Variants in BMPER observed in about 807,000 individuals in gnomAD.
The protein encoded by BMPER is BMP-binding endothelial regulator protein.
Under a neutral mutation model 87.3 loss-of-function variants are expected in BMPER, and 45 were observed. The observed-to-expected ratio is 0.52, with a 90% CI of 0.41 to 0.66. The LOEUF (loss-of-function observed/expected upper bound fraction) is 0.66, where lower values mean the gene tolerates loss of function less well. Ranked by LOEUF, BMPER falls within the 30% of genes least tolerant of loss-of-function variation. The pLI is 0.00. For missense variants in BMPER, 784 were observed against 867.5 expected (o/e 0.90, Z 1.21); for synonymous variants, 326 against 316.2 (o/e 1.03, Z -0.33).
At chr7:33,972,455 TG>T (rs1334782893) in intron 5 of BMPER, among the ~76,000 whole-genome samples, 1 of 152,174 alleles carries the variant, frequency 6.6e-6, no homozygotes, top group Non-Finnish European at 1.5e-5. Flanking sequence ...ACTCTCTTTT[TG>T]GTTGAGTTTC....
chr7:34,047,960 A>T (rs1321557550), intron 7 of BMPER, among the ~76,000 whole-genome samples: 1 of 151,626 alleles, frequency 6.6e-6, no homozygotes, highest in South Asian at 2.1e-4. Context: ...TTTTACACAG[A>T]AGCATATTGA....
At chr7:34,090,001 G>T (rs1026909705) in intron 13 of BMPER, among the ~76,000 whole-genome samples, 2 of 151,922 alleles carry the variant, frequency 1.3e-5, no homozygotes, top group Admixed American at 1.3e-4. Flanking sequence ...GGCTAATTTG[G>T]CATAAAAATT....
intron 11 of BMPER, among the ~76,000 whole-genome samples, chr7:34,073,033 G>T (rs1788777195): frequency 1.3e-5 from 2 of 151,996 alleles, no homozygotes; most frequent in African/African-American, 4.8e-5. Flanking sequence ...GGCGATTTTG[G>T]TTACCTGCTG....
At position 34,056,870 on chromosome 7, in the gene BMPER, C is replaced by A. The variant is rs373581860; in HGVS notation, c.928-1189C>A. Reference sequence around the variant, plus strand: ...CGACCTTGTCGTCCACCCTCCGTGGCCTCCCAAAGTGCTGGGATTACAGGC... The same window carrying A: ...CGACCTTGTCGTCCACCCTCCGTGGACTCCCAAAGTGCTGGGATTACAGGC... On this transcript the variant is annotated intron_variant, in intron 9 of 14. Coordinates refer to ENST00000649409, the MANE Select transcript of BMPER (RefSeq NM_001365308.1). 1.2e-4 allele frequency among the ~76,000 whole-genome samples: 18 copies of A among 152,308 alleles called. No individual in the cohort carries two copies. The East Asian group carries it at 1.5e-3, about 13-fold the overall frequency.
At chr7:33,918,438 A>G (rs1784137312) in intron 2 of BMPER, among the ~76,000 whole-genome samples, 1 of 152,220 alleles carries the variant, frequency 6.6e-6, no homozygotes, top group African/African-American at 2.4e-5. Flanking sequence ...CCTCCAGTAA[A>G]GCCTGCCTCA....
rs906755327 is a variant in BMPER, at chr7:33,918,590, A to G, written c.219+11687A>G. On this transcript the variant is annotated intron_variant, in intron 2 of 14. Coordinates refer to ENST00000649409, the MANE Select transcript of BMPER (RefSeq NM_001365308.1). ...GCAGTGTTTTTTTTGGTCTCAGGGG[A>G]ACACTCTTTTCCTGAATGAGAGAAC... Among the ~76,000 whole-genome samples the G allele has an allele frequency of 8.5e-5, 13 of 152,290 alleles. No individual in the cohort carries two copies. The South Asian group carries it at 2.7e-3, about 32-fold the overall frequency.
At chr7:33,907,042 T>A in intron 2 of BMPER, 139 bp downstream of exon 2, 2 of 827,212 alleles carry the variant, frequency 2.4e-6, no homozygotes, top group East Asian at 2.7e-5. Context: ...AGTTTGTGAG[T>A]TGAATCCAGT....
chr7:33,937,241 A>G, intron 2 of BMPER, 48 bp from the exon 3 acceptor site: 1 of 1,583,248 alleles, frequency 6.3e-7, no homozygotes, highest in Non-Finnish European at 8.7e-7. Context: ...GATTTGGGGA[A>G]TTCTGTTTGA....
In BMPER at chr7:34,006,044, G is replaced by T. The variant is rs532840903; in HGVS notation, c.576+31260G>T. ...CATTGTAGCCATTATTTGTAAAGGG[G>T]TATTCCCCTGCATGCTTGACAACTC... On this transcript the variant is annotated intron_variant, in intron 6 of 14. Coordinates refer to ENST00000649409, the MANE Select transcript of BMPER (RefSeq NM_001365308.1). 3.9e-5 allele frequency among the ~76,000 whole-genome samples: 6 copies of T among 151,914 alleles called. No individual in the cohort carries two copies. In the South Asian group the frequency reaches 1.0e-3, roughly 26 times the overall value.
At chr7:33,969,142 G>A (rs946643312) in intron 4 of BMPER, among the ~76,000 whole-genome samples, 11 of 152,170 alleles carry the variant, frequency 7.2e-5, no homozygotes, top group African/African-American at 2.7e-4. Flanking sequence ...TTGAGATGAT[G>A]TGGTAGCAGA....
intron 6 of BMPER, among the ~76,000 whole-genome samples, chr7:34,006,192 T>G (rs2127938209): frequency 6.6e-6 from 1 of 152,172 alleles, no homozygotes; most frequent in Admixed American, 6.5e-5. Flanking sequence ...CAAAAATATG[T>G]TCGAAATAGG....
intron 6 of BMPER, among the ~76,000 whole-genome samples, chr7:34,026,673 T>C (rs1787363067): frequency 2.0e-5 from 3 of 152,122 alleles, no homozygotes; most frequent in South Asian, 4.1e-4. Context: ...AAGTGCTTTG[T>C]TGGTCTTCTA....
At position 34,011,584 on chromosome 7, in the gene BMPER, AAAAAAAAAAAAAAAAAAAAAG is replaced by A. The variant is rs898340135; in HGVS notation, c.577-34712_577-34692del. On this transcript the variant is annotated intron_variant, in intron 6 of 14. Coordinates refer to ENST00000649409, the MANE Select transcript of BMPER (RefSeq NM_001365308.1). ...TTTGCTGCTTTCAGTTGGTCAGGGC[AAAAAAAAAAAAAAAAAAAAAG>A]AAAAAAAAAGAAAGAAAAAAGAAAC... Among the ~76,000 whole-genome samples, 389 of 86,256 alleles carry A rather than the reference AAAAAAAAAAAAAAAAAAAAAG, an allele frequency of 4.5e-3. 3 individuals carry two copies. Among genetic ancestry groups the A allele is most frequent in the African/African-American group, 0.03 (367 of 12,046 alleles). The allele number at this position is 86,256 out of a possible 152,430, so 56.6% of individuals were successfully genotyped here.
In BMPER at chr7:34,005,580, T is replaced by G. The variant is rs147351183; in HGVS notation, c.576+30796T>G. Reference sequence around the variant, plus strand: ...CTTCTGCCTCAGCCTCCTATTTTATTTTTTGCAGAGATGGGGGTCTCACTT... The same window carrying G: ...CTTCTGCCTCAGCCTCCTATTTTATGTTTTGCAGAGATGGGGGTCTCACTT... On this transcript the variant is annotated intron_variant, in intron 6 of 14. Transcript: ENST00000649409. Among the ~76,000 whole-genome samples the G allele has an allele frequency of 2.3e-3, 346 of 152,168 alleles. 11 individuals carry two copies. In the East Asian group the frequency reaches 0.06, roughly 26 times the overall value.
chr7:33,946,731 TG>T (rs1181182123), intron 3 of BMPER, among the ~76,000 whole-genome samples: 5 of 152,234 alleles, frequency 3.3e-5, no homozygotes, highest in Non-Finnish European at 1.5e-5. Flanking sequence ...AAAAAGATGC[TG>T]ATATTGAAAA....
chr7:33,930,260 C>A (rs1784450903), intron 2 of BMPER, among the ~76,000 whole-genome samples: 1 of 152,082 alleles, frequency 6.6e-6, no homozygotes, highest in Non-Finnish European at 1.5e-5. Context: ...TGGACTTGTA[C>A]ACTTAGGGTT....
chr7:34,144,832 A>T (rs1347875834), intron 14 of BMPER, among the ~76,000 whole-genome samples: 1 of 152,216 alleles, frequency 6.6e-6, no homozygotes, highest in Non-Finnish European at 1.5e-5. Flanking sequence ...GATTTTCAGC[A>T]TGCTACCCTA....
chr7:34,149,043 A>ATGCATTGAGC (rs1791102788), intron 14 of BMPER, among the ~76,000 whole-genome samples: 1 of 152,130 alleles, frequency 6.6e-6, no homozygotes, highest in African/African-American at 2.4e-5. Flanking sequence ...TCCAGGAGGC[A>ATGCATTGAGC]TGCATTGAGC....
rs1318618943 is a variant in BMPER, at chr7:34,046,402, T to C, written c.673T>C (p.Leu225=). ...IPPGQCCPKC[L]GQRKVFDLPF... ...CCCAGGACAGTGCTGCCCCAAATGT[T>C]TGGGTGAGTTACTATTTTCAGGTCA... The change falls in exon 7 of 15, where the codon TTG becomes CTG. Residue 225 remains leucine, a synonymous_variant. Coordinates refer to ENST00000649409, the MANE Select transcript of BMPER (RefSeq NM_001365308.1). 9 of 1,612,754 alleles carry C rather than the reference T, an allele frequency of 5.6e-6. No individual in the cohort carries two copies. In the Admixed American group the frequency reaches 1.0e-4, roughly 18 times the overall value.
Sources: gnomAD v4.1 joint callset for allele counts (sites outside exome capture counted in the v4.1 genomes callset) on GRCh38, gnomAD v4.1.1 for gene constraint, MANE v1.5 for transcripts, NCBI Gene and HGNC (gene_info 2026-07-23, HGNC 2026-07-21) for gene names.